Variants in ZCCHC24 observed in about 807,000 individuals in gnomAD.
The protein encoded by ZCCHC24 is zinc finger CCHC-type containing 24.
A neutral mutation model predicts 26.2 loss-of-function variants in ZCCHC24; 10 were observed. The observed-to-expected ratio is 0.38, with a 90% CI of 0.24 to 0.65. ZCCHC24 has a LOEUF of 0.65. Among genes scored for constraint, ZCCHC24 ranks in the 30% least tolerant of loss-of-function variants. The pLI is 0.54. For missense variants in ZCCHC24, 243 were observed against 329.1 expected (o/e 0.74, Z 2.03); for synonymous variants, 144 against 147.1 (o/e 0.98, Z 0.15).
chr10:79,413,812 A>T (rs1018811593), intron 2 of ZCCHC24, among the ~76,000 whole-genome samples: 1 of 149,822 alleles, frequency 6.7e-6, no homozygotes, highest in Non-Finnish European at 1.5e-5. Flanking sequence ...GAGTTTAGGG[A>T]GGTGCTTCGG....
chr10:79,384,089 G>C lies in ZCCHC24; in HGVS notation c.*2256C>G, dbSNP rs1156413805. ...CCAGAGCCGAGTCAAGGGGAGTATG[G>C]AAGGTGGGCCTCAAAGCGGGAACCC... is the stretch of plus-strand genomic sequence containing the variant. On this transcript the variant is annotated 3_prime_UTR_variant, in exon 4 of 4. Transcript: ENST00000372336. The C allele has an allele frequency of 1.3e-5, 2 of 152,784 alleles. No homozygotes were observed. Among genetic ancestry groups the C allele is most frequent in the East Asian group, 3.8e-4 (2 of 5,320 alleles). The allele number at this position is 152,784 out of a possible 1,614,324, so 9.5% of individuals were successfully genotyped here.
intron 1 of ZCCHC24, among the ~76,000 whole-genome samples, chr10:79,442,894 T>TA (rs1389680746): frequency 2.0e-5 from 3 of 152,038 alleles, no homozygotes; most frequent in Admixed American, 2.0e-4. Flanking sequence ...GGGGTGAGGA[T>TA]GAGTGAGCCT....
intron 2 of ZCCHC24, among the ~76,000 whole-genome samples, chr10:79,430,236 G>A (rs1044643989): frequency 1.3e-5 from 2 of 152,062 alleles, no homozygotes; most frequent in African/African-American, 4.8e-5. Flanking sequence ...CTGATGCTGC[G>A]AGCCTCTGTC....
chr10:79,413,974 G>A (rs1274796391), intron 2 of ZCCHC24, among the ~76,000 whole-genome samples: 6 of 152,180 alleles, frequency 3.9e-5, no homozygotes, highest in African/African-American at 1.4e-4. Context: ...CCTCACACTT[G>A]CTCCACCTTC....
chr10:79,443,688 C>T (rs181653660), intron 1 of ZCCHC24, among the ~76,000 whole-genome samples: 6 of 152,358 alleles, frequency 3.9e-5, no homozygotes, highest in East Asian at 1.9e-4. Context: ...AACGGTCCTC[C>T]AGTCACTGGT....
chr10:79,441,766 A>G (rs1014259487), intron 1 of ZCCHC24, among the ~76,000 whole-genome samples: 4 of 152,198 alleles, frequency 2.6e-5, no homozygotes, highest in African/African-American at 9.7e-5. Context: ...GTCTCTTGAC[A>G]GTAGGGCCAC....
chr10:79,428,662 A>C (rs1857082028), intron 2 of ZCCHC24, among the ~76,000 whole-genome samples: 2 of 152,132 alleles, frequency 1.3e-5, no homozygotes, highest in Non-Finnish European at 2.9e-5. Flanking sequence ...AAATAATAGA[A>C]AAAAATAGAG....
intron 2 of ZCCHC24, among the ~76,000 whole-genome samples, chr10:79,432,332 C>A (rs1035993101): frequency 1.3e-5 from 2 of 152,252 alleles, no homozygotes; most frequent in African/African-American, 4.8e-5. Context: ...ACCCAGATTG[C>A]TGACCAACCA....
Position 79,397,991 on chromosome 10 carries a change from G to C in ZCCHC24, c.448-3551C>G, listed in dbSNP as rs555878976. Among the ~76,000 whole-genome samples, 6 of 152,328 alleles carry C rather than the reference G, an allele frequency of 3.9e-5. No individual in the cohort carries two copies. In the South Asian group the frequency reaches 1.0e-3, roughly 26 times the overall value. ...GGGAACAGGAAGATGAAAGAGAAGA[G>C]CGAGGGGTGAGCCAGGAAGCACAGA... On this transcript the variant is annotated intron_variant, in intron 2 of 3. Transcript: ENST00000372336.
intron 2 of ZCCHC24, among the ~76,000 whole-genome samples, chr10:79,420,783 T>C (rs1856924443): frequency 6.6e-6 from 1 of 151,850 alleles, no homozygotes. Flanking sequence ...AAAATAATAA[T>C]AATAATAATA....
At position 79,383,125 on chromosome 10, in the gene ZCCHC24, G is replaced by C. The variant is rs1013682334; in HGVS notation, c.*3220C>G. On this transcript the variant is annotated 3_prime_UTR_variant, in exon 4 of 4. Transcript: ENST00000372336. ...ACCATTCCCTTTTTCACTATGTATCGAATTATAGCTTCCCTTAAAAAAGGC... is the reference window on the plus strand; with the variant it reads ...ACCATTCCCTTTTTCACTATGTATCCAATTATAGCTTCCCTTAAAAAAGGC... 1 of 152,714 alleles carries C rather than the reference G, an allele frequency of 6.5e-6. No homozygotes were observed. The highest frequency in any genetic ancestry group is 2.4e-5 in the African/African-American group (1 of 41,444). 9.5% of individuals were successfully genotyped at this position (152,714 alleles called of 1,614,324 possible).
At chr10:79,396,552 C>T (rs1285780543) in intron 2 of ZCCHC24, among the ~76,000 whole-genome samples, 1 of 152,212 alleles carries the variant, frequency 6.6e-6, no homozygotes, top group Non-Finnish European at 1.5e-5. Flanking sequence ...GTTGGAGAGG[C>T]TTAAATGCAG....
At chr10:79,414,063 C>T (rs1186035092) in intron 2 of ZCCHC24, among the ~76,000 whole-genome samples, 4 of 152,230 alleles carry the variant, frequency 2.6e-5, no homozygotes, top group African/African-American at 4.8e-5. Context: ...CCACCCTCAC[C>T]CCTTCCACCA....
intron 2 of ZCCHC24, among the ~76,000 whole-genome samples, chr10:79,413,779 T>A (rs866388157): frequency 8.2e-5 from 12 of 146,672 alleles, no homozygotes; most frequent in Admixed American, 1.4e-4. Context: ...TGTGTGTGTG[T>A]GAGAGAGAGA....
At chr10:79,415,480 G>A (rs17490257) in intron 2 of ZCCHC24, among the ~76,000 whole-genome samples, 22,081 of 152,240 alleles carry the variant, frequency 0.15, 1,965 homozygotes, top group Non-Finnish European at 0.2. Context: ...CAGTTGGGAC[G>A]TTGCTTCTTA....
In ZCCHC24 at chr10:79,445,180, C is replaced by A; in HGVS notation, c.246+15G>T. ...GGCGGTGGGGCGGTGGGCGGGGGCG[C>A]GCGGGGGCACCCACCTCTCCGCGCT... On this transcript the variant is annotated intron_variant, in intron 1 of 3. Coordinates refer to ENST00000372336, the MANE Select transcript of ZCCHC24 (RefSeq NM_153367.4). The A allele has an allele frequency of 7.9e-7, 1 of 1,269,808 alleles. No homozygotes were observed. The highest frequency in any genetic ancestry group is 1.0e-6 in the Non-Finnish European group (1 of 1,003,648). 78.7% of individuals were successfully genotyped at this position (1,269,808 alleles called of 1,614,324 possible).
intron 2 of ZCCHC24, among the ~76,000 whole-genome samples, chr10:79,403,893 T>G (rs1162773862): frequency 2.0e-5 from 3 of 147,188 alleles, no homozygotes; most frequent in Non-Finnish European, 3.0e-5. Flanking sequence ...AGTGGGGGTG[T>G]GGAGAGGAGG....
intron 2 of ZCCHC24, among the ~76,000 whole-genome samples, chr10:79,427,069 CA>C (rs145717669): frequency 1.5e-3 from 214 of 144,314 alleles, no homozygotes; most frequent in Middle Eastern, 3.5e-3. Context: ...TACTTTAAAA[CA>C]AAAAAAAAAC....
chr10:79,410,445 T>C (rs1396505462), intron 2 of ZCCHC24, among the ~76,000 whole-genome samples: 1 of 152,244 alleles, frequency 6.6e-6, no homozygotes, highest in Non-Finnish European at 1.5e-5. Flanking sequence ...TTCTGGGATG[T>C]GCTCAGGATG....
Sources: gnomAD v4.1 joint callset for allele counts (sites outside exome capture counted in the v4.1 genomes callset) on GRCh38, gnomAD v4.1.1 for gene constraint, MANE v1.5 for transcripts, NCBI Gene and HGNC (gene_info 2026-07-23, HGNC 2026-07-21) for gene names.